The following TUT7 variants were observed in gnomAD, a reference collection of about 807,000 sequenced individuals.
TUT7 encodes the protein terminal uridylyltransferase 7.
A neutral mutation model predicts 165.9 loss-of-function variants in TUT7; 33 were observed. The observed-to-expected ratio is 0.20, with a 90% CI of 0.15 to 0.27. TUT7 has a LOEUF of 0.27. Among genes scored for constraint, TUT7 ranks in the 10% least tolerant of loss-of-function variants. TUT7 has a pLI of 1.00. For missense variants in TUT7, 1,338 were observed against 1,762.3 expected (o/e 0.76, Z 4.31); for synonymous variants, 552 against 608.1 (o/e 0.91, Z 1.36).
intron 17 of TUT7, among the ~76,000 whole-genome samples, 186 bp from the exon 18 acceptor site, chr9:86,310,995 A>G (rs533277213): frequency 2.6e-5 from 4 of 152,368 alleles, no homozygotes; most frequent in African/African-American, 9.6e-5. Context: ...CAAAGTTTAC[A>G]TTTATTAAAC....
chr9:86,353,188 T>C lies in TUT7; in HGVS notation c.12A>G (p.Thr4=), dbSNP rs1329997203. 1.8e-5 allele frequency: 29 copies of C among 1,578,844 alleles called. No individual in the cohort carries two copies. Among genetic ancestry groups the C allele is most frequent in the African/African-American group, 2.7e-5 (2 of 72,856 alleles). The change falls in exon 2 of 27, where the codon ACA becomes ACG. Residue 4 remains threonine (T), a synonymous_variant. Transcript: ENST00000375963. MGD[T]AKPYFVKRTK... is the part of the protein sequence containing the mutation. ...TGCGCTTCACGAAATAAGGTTTTGC[T>C]GTATCTCCCATGGTCTTTGACTTCA...
intron 11 of TUT7, among the ~76,000 whole-genome samples, chr9:86,326,108 A>G (rs1311117355): frequency 6.6e-6 from 1 of 152,232 alleles, no homozygotes; most frequent in African/African-American, 2.4e-5. Context: ...TAGAAAGTAC[A>G]TATTACTTAG....
At chr9:86,315,093 C>G (rs1313068984) in intron 17 of TUT7, among the ~76,000 whole-genome samples, 1 of 152,148 alleles carries the variant, frequency 6.6e-6, no homozygotes, top group Non-Finnish European at 1.5e-5. Context: ...GATATGGAAG[C>G]TTTCACAAAA....
Position 86,309,109 on chromosome 9 carries a change from T to A in TUT7, c.3660+103A>T, listed in dbSNP as rs1018117106. ...CTATTTTTTTTACTATCATAAGATA[T>A]ATAAATACAACAAGCAATAAAATAG... is the stretch of plus-strand genomic sequence containing the variant. On this transcript the variant is annotated intron_variant, in intron 21 of 26. Coordinates refer to ENST00000375963, the MANE Select transcript of TUT7 (RefSeq NM_024617.4). 68 of 713,696 alleles carry A rather than the reference T, an allele frequency of 9.5e-5. 1 individual carries two copies. The African/African-American group carries it at 1.2e-3, about 13-fold the overall frequency. The allele number at this position is 713,696 out of a possible 1,614,324, so 44.2% of individuals were successfully genotyped here. A position where few individuals can be genotyped will look rare whatever the true frequency, so the allele number is the denominator to read the frequency against.
intron 12 of TUT7, 34 bp downstream of exon 12, chr9:86,325,300 A>AG (rs775876812): frequency 1.0e-5 from 16 of 1,597,812 alleles, no homozygotes; most frequent in Non-Finnish European, 1.3e-5. Context: ...TAAAAAAAAG[A>AG]GTGGGGGGGA....
At chr9:86,312,201 A>G (rs1345824530) in intron 17 of TUT7, among the ~76,000 whole-genome samples, 1 of 144,490 alleles carries the variant, frequency 6.9e-6, no homozygotes. Flanking sequence ...CCGCCATCCC[A>G]TCTAGGAAGT....
At chr9:86,319,081 A>G in intron 15 of TUT7, 23 bp from the exon 16 acceptor site, 3 of 1,536,140 alleles carry the variant, frequency 2.0e-6, no homozygotes, top group Non-Finnish European at 2.7e-6. Flanking sequence ...TATGAAAAGT[A>G]ATAACTAATT....
intron 2 of TUT7, among the ~76,000 whole-genome samples, chr9:86,350,421 C>A (rs993811396): frequency 6.6e-6 from 1 of 152,350 alleles, no homozygotes; most frequent in African/African-American, 2.4e-5. Flanking sequence ...CCACATCCCA[C>A]CTGGACAGTA....
intron 10 of TUT7, among the ~76,000 whole-genome samples, chr9:86,333,608 T>C (rs939849626): frequency 5.9e-5 from 9 of 152,200 alleles, no homozygotes; most frequent in African/African-American, 1.9e-4. Context: ...TATTACCCAT[T>C]TATTCTTGCA....
rs528578603 is a variant in TUT7 at position 86,311,831 on chromosome 9, G to A, written c.3275-1022C>T. On this transcript the variant is annotated intron_variant, in intron 17 of 26. Transcript: ENST00000375963. This position sits in a 1 kb window ranked among gnomAD's most constrained non-coding sequence, Gnocchi z 4.4. Reference sequence around the variant, plus strand: ...GAGACGGGGTTTCGCTGTGTTGGCCGGGCTGGTCTCCAGCTCCTAACCACG... The same window carrying A: ...GAGACGGGGTTTCGCTGTGTTGGCCAGGCTGGTCTCCAGCTCCTAACCACG... Among the ~76,000 whole-genome samples the A allele has an allele frequency of 2.6e-5, 4 of 152,306 alleles. No homozygotes were observed. The highest frequency in any genetic ancestry group is 6.5e-5 in the Admixed American group (1 of 15,300).
Position 86,345,070 on chromosome 9 carries a change from C to A in TUT7, c.904G>T (p.Val302Leu). ...TTGTGTAAGCCAAATTCCTGTACCA[C>A]TTTGTCAATGGCAATGCCAACTGCA... ...INAVGIAIDK[V>L]VQEFGLHNEN... Residue 302 changes from valine (V) to leucine (L), a missense_variant, in exon 5 of 27, where the codon GTG becomes TTG. By Grantham distance (32) the Val-to-Leu change is conservative. This residue lies in a region of TUT7 where 434 missense variants were observed against 480.8 expected (regional missense o/e 0.90). Transcript: ENST00000375963. The A allele has an allele frequency of 1.2e-6, 2 of 1,613,866 alleles. No individual in the cohort carries two copies. Among genetic ancestry groups the A allele is most frequent in the Non-Finnish European group, 1.7e-6 (2 of 1,179,892 alleles).
At chr9:86,305,315 TAAAAC>T in intron 22 of TUT7, 76 bp from the exon 23 acceptor site, 1 of 988,078 alleles carries the variant, frequency 1.0e-6, no homozygotes, top group Non-Finnish European at 1.5e-6. Flanking sequence ...GTAAAGTTCA[TAAAAC>T]AAGACAAGAA....
chr9:86,290,553 T>G (rs1825817725), intron 26 of TUT7, among the ~76,000 whole-genome samples: 1 of 152,156 alleles, frequency 6.6e-6, no homozygotes. Context: ...TATGGAGATT[T>G]GGCTTTTCAG....
At chr9:86,317,710 G>A (rs1012610187) in intron 16 of TUT7, among the ~76,000 whole-genome samples, 1 of 152,190 alleles carries the variant, frequency 6.6e-6, no homozygotes, top group Non-Finnish European at 1.5e-5. Flanking sequence ...TTGCTGTGGA[G>A]AGTGATTAAG....
chr9:86,323,221 G>C lies in TUT7; in HGVS notation c.2529C>G (p.Pro843=). 6.2e-7 allele frequency: 1 copy of C among 1,614,040 alleles called. No individual in the cohort carries two copies. The highest frequency in any genetic ancestry group is 1.3e-5 in the African/African-American group (1 of 75,028). ...CGTCGTCCTCCTCCTCTTCATCAGA[G>C]GGAATCATTTCTGATGTCTGGCCCT... ...SVQGQTSEMI[P]SDEEEEDDEE... is the part of the protein sequence containing the mutation. The change falls in exon 13 of 27, where the codon CCC becomes CCG. Residue 843 remains proline, a synonymous_variant. Coordinates refer to ENST00000375963, the MANE Select transcript of TUT7 (RefSeq NM_024617.4).
intron 26 of TUT7, among the ~76,000 whole-genome samples, chr9:86,292,622 A>G (rs975124700): frequency 1.1e-4 from 17 of 150,840 alleles, no homozygotes; most frequent in African/African-American, 3.4e-4. Context: ...AAAAAAAAAA[A>G]AGAGATTGAG....
chr9:86,300,850 T>C (rs1826819980), intron 26 of TUT7, among the ~76,000 whole-genome samples: 2 of 152,242 alleles, frequency 1.3e-5, no homozygotes, highest in Admixed American at 1.3e-4. Flanking sequence ...TTTCTATGCA[T>C]GTGCCTGTGT....
At chr9:86,320,319 T>C (rs1036354418) in intron 14 of TUT7, among the ~76,000 whole-genome samples, 2 of 151,540 alleles carry the variant, frequency 1.3e-5, no homozygotes, top group Non-Finnish European at 1.5e-5. Context: ...GAACACCTTA[T>C]GATGAAGCCA....
chr9:86,328,752 C>T lies in TUT7; in HGVS notation c.1456-260G>A, dbSNP rs549747164. On this transcript the variant is annotated intron_variant, in intron 10 of 26. Transcript: ENST00000375963. ...AAGAGTAGGCAAAATGGCCTAGTGG[C>T]TGACGTCATGGGTTCTGAAGTAAAA... Among the ~76,000 whole-genome samples, 145 of 152,314 alleles carry T rather than the reference C, an allele frequency of 9.5e-4. 1 individual carries two copies. Among genetic ancestry groups the T allele is most frequent in the Non-Finnish European group, 1.7e-3 (113 of 68,036 alleles).
Sources: allele counts gnomAD v4.1 joint callset (sites outside exome capture counted in the v4.1 genomes callset), GRCh38; gene constraint gnomAD v4.1.1; regional missense constraint gnomAD v4.1.1; non-coding constraint Gnocchi (gnomAD v3.1); transcripts MANE v1.5; gene names NCBI Gene and HGNC (gene_info 2026-07-23, HGNC 2026-07-21).